Variants in NDUFS4 observed in about 807,000 individuals in gnomAD.
The protein encoded by NDUFS4 is NADH:ubiquinone oxidoreductase subunit S4.
In NDUFS4, 28 loss-of-function variants were observed where a neutral mutation model predicts 24.3. The ratio of observed to expected loss-of-function variants is 1.15; its 90% CI spans 0.85 to 1.58. The LOEUF (loss-of-function observed/expected upper bound fraction) is 1.58. Among genes scored for constraint, NDUFS4 ranks in the 40% most tolerant of loss-of-function variants. The probability of loss-of-function intolerance (pLI) is 0.00; values close to 1 mark genes in which losing one functional copy is unlikely to be tolerated. For synonymous variants in NDUFS4, 93 were observed against 69.7 expected, an observed-to-expected ratio of 1.34 and a Z score of -1.67; for missense variants, 223 against 207.9, an observed-to-expected ratio of 1.07 and a Z score of -0.45.
intron 3 of NDUFS4, among the ~76,000 whole-genome samples, chr5:53,652,551 TTCATTGTTA>T (rs1752049466): frequency 6.6e-6 from 1 of 152,180 alleles, no homozygotes; most frequent in Non-Finnish European, 1.5e-5. Context: ...GTGAATACAT[TTCATTGTTA>T]TCTGCTTATC....
intron 1 of NDUFS4, among the ~76,000 whole-genome samples, chr5:53,596,012 G>T (rs1318617459): frequency 2.6e-5 from 4 of 152,144 alleles, no homozygotes; most frequent in Middle Eastern, 3.2e-3. Context: ...GAGAATAAAA[G>T]AATTTATGGT....
intron 1 of NDUFS4, among the ~76,000 whole-genome samples, chr5:53,585,130 G>T (rs1276805607): frequency 6.6e-6 from 1 of 152,198 alleles, no homozygotes; most frequent in Non-Finnish European, 1.5e-5. Context: ...TGAAAAGTCA[G>T]TTGAAGAAGT....
chr5:53,609,928 C>G (rs1750645458), intron 2 of NDUFS4, among the ~76,000 whole-genome samples: 1 of 152,140 alleles, frequency 6.6e-6, no homozygotes, highest in East Asian at 1.9e-4. Context: ...AATGTTGTAG[C>G]TGGTTTGATC....
intron 1 of NDUFS4, among the ~76,000 whole-genome samples, chr5:53,576,593 C>T (rs779724389): frequency 2.6e-5 from 4 of 152,068 alleles, no homozygotes; most frequent in Non-Finnish European, 4.4e-5. Flanking sequence ...TGGAGAAATA[C>T]TTGATTTGAG....
At chr5:53,565,011 A>G (rs986094433) in intron 1 of NDUFS4, among the ~76,000 whole-genome samples, 5 of 152,216 alleles carry the variant, frequency 3.3e-5, no homozygotes, top group African/African-American at 9.7e-5. Context: ...CAACAGGATT[A>G]CATATCCAAA....
chr5:53,572,197 A>G (rs1749229182), intron 1 of NDUFS4, among the ~76,000 whole-genome samples: 2 of 152,214 alleles, frequency 1.3e-5, no homozygotes, highest in Admixed American at 6.5e-5. Flanking sequence ...CAGCAAAGCC[A>G]GTTTGTTCTG....
At chr5:53,673,848 C>G (rs1740369860) in intron 4 of NDUFS4, among the ~76,000 whole-genome samples, 2 of 152,148 alleles carry the variant, frequency 1.3e-5, no homozygotes, top group East Asian at 1.9e-4. Flanking sequence ...ATACACATAA[C>G]TTTCTATAGC....
intron 3 of NDUFS4, among the ~76,000 whole-genome samples, chr5:53,657,933 A>AC (rs924932135): frequency 6.7e-6 from 1 of 149,782 alleles, no homozygotes; most frequent in South Asian, 2.1e-4. Flanking sequence ...TCAAAAAAAA[A>AC]AAAAAAAAAG....
chr5:53,649,564 C>T lies in NDUFS4; in HGVS notation c.350+3159C>T, dbSNP rs530026908. On this transcript the variant is annotated intron_variant, in intron 3 of 4. Transcript: ENST00000296684. ...TTCTTTTTTATTGCTGCGTAGTATT[C>T]CATGATGTTTATGTACCACATTTCT... Among the ~76,000 whole-genome samples, 59 of 152,270 alleles carry T rather than the reference C, an allele frequency of 3.9e-4. No homozygotes were observed. The South Asian group carries it at 0.012, about 30-fold the overall frequency.
chr5:53,683,326 C>A lies in NDUFS4; in HGVS notation c.*105C>A, dbSNP rs1379728569. 1.5e-5 allele frequency: 12 copies of A among 823,194 alleles called. No individual in the cohort carries two copies. The highest frequency in any genetic ancestry group is 2.1e-5 in the Non-Finnish European group (10 of 483,020). 51.0% of individuals were successfully genotyped at this position (823,194 alleles called of 1,614,324 possible). On this transcript the variant is annotated 3_prime_UTR_variant, in exon 5 of 5. Transcript: ENST00000296684. Reference sequence around the variant, plus strand: ...TCTCTTAATCTCCTAATAAATTGGACCTTTAAACTACAGATACATTTTGTG... The same window carrying A: ...TCTCTTAATCTCCTAATAAATTGGAACTTTAAACTACAGATACATTTTGTG...
chr5:53,656,672 A>G (rs569899580), intron 3 of NDUFS4, among the ~76,000 whole-genome samples: 1 of 152,242 alleles, frequency 6.6e-6, no homozygotes, highest in East Asian at 1.9e-4. Context: ...TCCATATTAT[A>G]GAAGTGCTTA....
chr5:53,638,193 C>T (rs551315999), intron 2 of NDUFS4, among the ~76,000 whole-genome samples: 14 of 152,150 alleles, frequency 9.2e-5, no homozygotes, highest in African/African-American at 3.1e-4. Context: ...GAAGTCTAAA[C>T]ATCACTTATT....
intron 3 of NDUFS4, among the ~76,000 whole-genome samples, chr5:53,657,603 G>A (rs916823556): frequency 1.3e-5 from 2 of 151,992 alleles, no homozygotes; most frequent in African/African-American, 4.8e-5. Context: ...ATAAACATTT[G>A]TAGCAAACAG....
chr5:53,567,120 A>C (rs1241678258), intron 1 of NDUFS4, among the ~76,000 whole-genome samples: 1 of 152,192 alleles, frequency 6.6e-6, no homozygotes, highest in South Asian at 2.1e-4. Flanking sequence ...AAGTGCTGGA[A>C]TTACAGGCGT....
chr5:53,572,972 T>TTTTTTTTTTG, intron 1 of NDUFS4, among the ~76,000 whole-genome samples: 1 of 67,038 alleles, frequency 1.5e-5, no homozygotes, highest in South Asian at 6.6e-4. Flanking sequence ...TTTTTTTTGT[T>TTTTTTTTTTG]TTTTTTTTTT....
chr5:53,575,530 CTTTTTTTTTT>C lies in NDUFS4; in HGVS notation c.98+14789_98+14798del, dbSNP rs36051026. Among the ~76,000 whole-genome samples, 9 of 76,160 alleles carry C rather than the reference CTTTTTTTTTT, an allele frequency of 1.2e-4. 1 individual carries two copies. In the South Asian group the frequency reaches 3.3e-3, roughly 28 times the overall value. The allele number at this position is 76,160 out of a possible 152,430, so 50.0% of individuals were successfully genotyped here. The stretch of plus-strand genomic sequence containing the variant: ...AAAATATTCTTTATATGATCAGATT[CTTTTTTTTTT>C]TTTTTTTTTTTTTTTTTTGCAGACA... On this transcript the variant is annotated intron_variant, in intron 1 of 4. Coordinates refer to ENST00000296684, the MANE Select transcript of NDUFS4 (RefSeq NM_002495.4).
chr5:53,652,045 T>G (rs1332136308), intron 3 of NDUFS4, among the ~76,000 whole-genome samples: 1 of 152,110 alleles, frequency 6.6e-6, no homozygotes, highest in African/African-American at 2.4e-5. Context: ...AGTGCTGGGA[T>G]TACAGGCGTG....
intron 4 of NDUFS4, among the ~76,000 whole-genome samples, chr5:53,661,982 C>G (rs1752357135): frequency 6.6e-6 from 1 of 152,108 alleles, no homozygotes; most frequent in African/African-American, 2.4e-5. Context: ...ATTGAATACC[C>G]TTTATTTCCT....
intron 1 of NDUFS4, among the ~76,000 whole-genome samples, chr5:53,562,142 T>C (rs1327721002): frequency 3.3e-5 from 5 of 152,138 alleles, no homozygotes; most frequent in Admixed American, 6.5e-5. Context: ...TAGCTGGGAT[T>C]ACAGGCGCGC....
Sources: allele counts gnomAD v4.1 joint callset (sites outside exome capture counted in the v4.1 genomes callset), GRCh38; gene constraint gnomAD v4.1.1; transcripts MANE v1.5; gene names NCBI Gene and HGNC (gene_info 2026-07-23, HGNC 2026-07-21).